RBFOX1: variants seen among roughly 807,000 people sequenced by gnomAD.
RBFOX1 encodes RNA binding protein fox-1 homolog 1.
A neutral mutation model predicts 57.7 loss-of-function variants in RBFOX1; 8 were observed. The observed-to-expected ratio is 0.14, with a 90% confidence interval of 0.08 to 0.25. The LOEUF (loss-of-function observed/expected upper bound fraction) is 0.25, where lower values mean the gene tolerates loss of function less well. Among genes scored for constraint, RBFOX1 ranks in the 10% least tolerant of loss-of-function variants. RBFOX1 has a pLI of 1.00. For missense variants in RBFOX1, 611 were observed against 548.5 expected, an observed-to-expected ratio of 1.11 and a Z score of -1.14; for synonymous variants, 326 against 222.4, an observed-to-expected ratio of 1.47 and a Z score of -4.15.
intron 4 of RBFOX1, among the ~76,000 whole-genome samples, chr16:7,094,130 A>C (rs1342076099): frequency 6.6e-6 from 1 of 151,254 alleles, no homozygotes; most frequent in Non-Finnish European, 1.5e-5. Flanking sequence ...GTGGTGTTTC[A>C]CTTACCTTTA....
chr16:6,502,294 T>C (rs2095959240), intron 2 of RBFOX1, among the ~76,000 whole-genome samples: 1 of 152,138 alleles, frequency 6.6e-6, no homozygotes, highest in African/African-American at 2.4e-5. Flanking sequence ...ACCCCTGATC[T>C]ACCTGGCATG....
chr16:6,664,814 A>G (rs1057160479), intron 3 of RBFOX1, among the ~76,000 whole-genome samples: 5 of 152,192 alleles, frequency 3.3e-5, no homozygotes, highest in Admixed American at 1.3e-4. Context: ...AAGGCAAGGT[A>G]GTACAGTTTT....
chr16:5,978,091 A>AC (rs2060101329), intron 4 of RBFOX1, among the ~76,000 whole-genome samples: 3 of 140,006 alleles, frequency 2.1e-5, no homozygotes, highest in Non-Finnish European at 4.5e-5. Flanking sequence ...GGAGTTTAAG[A>AC]CCAGGCTGGG....
chr16:5,949,927 C>G (rs528076470), intron 4 of RBFOX1, among the ~76,000 whole-genome samples: 1 of 152,314 alleles, frequency 6.6e-6, no homozygotes, highest in East Asian at 1.9e-4. Flanking sequence ...CTGGGCCTCT[C>G]TGACTGGCCC....
chr16:7,170,891 G>C (rs980746988), intron 4 of RBFOX1, among the ~76,000 whole-genome samples: 1 of 152,124 alleles, frequency 6.6e-6, no homozygotes, highest in Non-Finnish European at 1.5e-5. Flanking sequence ...TCATCAAAAC[G>C]TCCAGCTCTG....
At chr16:6,551,856 G>T (rs1364265304) in intron 2 of RBFOX1, among the ~76,000 whole-genome samples, 1 of 152,192 alleles carries the variant, frequency 6.6e-6, no homozygotes, top group African/African-American at 2.4e-5. Flanking sequence ...TTCTCTCTCA[G>T]TGCGTTGGTC....
chr16:5,721,434 C>G (rs984048093), intron 3 of RBFOX1, among the ~76,000 whole-genome samples: 1 of 152,118 alleles, frequency 6.6e-6, no homozygotes, highest in African/African-American at 2.4e-5. Context: ...CTACTTCTTC[C>G]TTTCCAAGCC....
Position 6,780,221 on chromosome 16 carries a change from A to ATATATT in RBFOX1, c.-16+125576_-16+125577insTTATAT, listed in dbSNP as rs1243083038. The stretch of plus-strand genomic sequence containing the variant: ...TATTTTTATATATTTATATATATTT[A>ATATATT]TATATATATTTATATATATTTACAT... On this transcript the variant is annotated intron_variant, in intron 3 of 15. Transcript: ENST00000550418. 1.4e-3 allele frequency among the ~76,000 whole-genome samples: 102 copies of ATATATT among 72,038 alleles called. 5 individuals carry two copies. Among genetic ancestry groups the ATATATT allele is most frequent in the Non-Finnish European group, 1.9e-3 (86 of 44,648 alleles). 47.3% of individuals were successfully genotyped at this position (72,038 alleles called of 152,430 possible).
chr16:6,530,035 C>A (rs1170240869), intron 2 of RBFOX1, among the ~76,000 whole-genome samples: 1 of 152,134 alleles, frequency 6.6e-6, no homozygotes, highest in Non-Finnish European at 1.5e-5. Context: ...TTTTCTCTTT[C>A]AAAGTAGCTA....
intron 3 of RBFOX1, among the ~76,000 whole-genome samples, chr16:5,861,670 G>A (rs2057218859): frequency 6.6e-6 from 1 of 152,168 alleles, no homozygotes; most frequent in Non-Finnish European, 1.5e-5. Context: ...CATGCCCCAT[G>A]ACGGTGCCAG....
chr16:6,455,139 C>T (rs983062114), intron 2 of RBFOX1, among the ~76,000 whole-genome samples: 2 of 151,734 alleles, frequency 1.3e-5, no homozygotes, highest in African/African-American at 2.4e-5. Context: ...AGGATCCACC[C>T]GCCCTGGCCT....
At chr16:5,765,604 G>A (rs1279975335) in intron 3 of RBFOX1, among the ~76,000 whole-genome samples, 1 of 152,178 alleles carries the variant, frequency 6.6e-6, no homozygotes, top group Non-Finnish European at 1.5e-5. Context: ...TCCAGCAGGT[G>A]GCTGCTATGG....
At chr16:6,832,165 C>G (rs2092753974) in intron 3 of RBFOX1, among the ~76,000 whole-genome samples, 1 of 152,190 alleles carries the variant, frequency 6.6e-6, no homozygotes, top group Admixed American at 6.5e-5. Context: ...TTCCTAAATT[C>G]ATCTTCAGAA....
At position 6,693,120 on chromosome 16, in the gene RBFOX1, C is replaced by G. The variant is rs1297696115; in HGVS notation, c.-16+38470C>G. 2.0e-5 allele frequency among the ~76,000 whole-genome samples: 3 copies of G among 151,490 alleles called. No homozygotes were observed. The South Asian group carries it at 6.3e-4, about 32-fold the overall frequency. ...CATCATCATCCTCATCCTCCCCCAC[C>G]ATCACCATCATCATCACCATCATCC... On this transcript the variant is annotated intron_variant, in intron 3 of 15. Coordinates refer to ENST00000550418, the MANE Select transcript of RBFOX1 (RefSeq NM_018723.4).
intron 9 of RBFOX1, among the ~76,000 whole-genome samples, chr16:7,606,471 C>G (rs1050204484): frequency 1.3e-5 from 2 of 152,282 alleles, no homozygotes. Flanking sequence ...GAAACAATAA[C>G]AAAACCCTAA....
At chr16:6,978,023 C>A (rs989116686) in intron 3 of RBFOX1, among the ~76,000 whole-genome samples, 1 of 150,822 alleles carries the variant, frequency 6.6e-6, no homozygotes, top group Non-Finnish European at 1.5e-5. Context: ...TGTTTATTTT[C>A]TGGGTCCCCC....
At chr16:7,675,929 G>C (rs1568406120) in intron 13 of RBFOX1, among the ~76,000 whole-genome samples, 1 of 152,192 alleles carries the variant, frequency 6.6e-6, no homozygotes, top group Non-Finnish European at 1.5e-5. Context: ...AAGAAGCTCT[G>C]TTATATTCAC....
At chr16:6,783,290 G>C (rs368046688) in intron 3 of RBFOX1, among the ~76,000 whole-genome samples, 1 of 148,734 alleles carries the variant, frequency 6.7e-6, no homozygotes, top group Non-Finnish European at 1.5e-5. Context: ...TTTTGTTGTT[G>C]TTGTCATTTT....
At chr16:7,431,017 C>G (rs1215232247) in intron 4 of RBFOX1, among the ~76,000 whole-genome samples, 3 of 152,186 alleles carry the variant, frequency 2.0e-5, no homozygotes, top group Non-Finnish European at 4.4e-5. Flanking sequence ...TCACAATCAT[C>G]AAACAGGAGT....
Sources: allele counts gnomAD v4.1 joint callset (sites outside exome capture counted in the v4.1 genomes callset), GRCh38; gene constraint gnomAD v4.1.1; transcripts MANE v1.5; gene names NCBI Gene and HGNC (gene_info 2026-07-23, HGNC 2026-07-21).